Variants in PRP4K observed in about 807,000 individuals in gnomAD.
PRP4K encodes serine/threonine-protein kinase PRP4 homolog.
At chr6:4,054,049 A>G in the PRP4K span, among the ~76,000 whole-genome samples, 3 of 151,984 alleles carry the variant, frequency 2.0e-5, no homozygotes, top group African/African-American at 7.3e-5. Flanking sequence ...AGCTGGGACT[A>G]CCCACAGGCA....
chr6:4,052,730 C>T, the PRP4K span: 1 of 1,584,686 alleles, frequency 6.3e-7, no homozygotes. Context: ...CATGAACTTA[C>T]GAGAGGTGTT....
the PRP4K span, among the ~76,000 whole-genome samples, chr6:4,029,514 A>C: frequency 6.6e-6 from 1 of 151,334 alleles, no homozygotes; most frequent in African/African-American, 2.4e-5. Flanking sequence ...GGTCTCACCT[A>C]GCTAATTTTT....
At chr6:4,047,924 A>G in the PRP4K span, among the ~76,000 whole-genome samples, 3 of 151,056 alleles carry the variant, frequency 2.0e-5, no homozygotes, top group Admixed American at 6.6e-5. Context: ...ACACACACAC[A>G]CACACACACA....
the PRP4K span, among the ~76,000 whole-genome samples, chr6:4,046,818 C>T: frequency 5.9e-5 from 9 of 152,074 alleles, no homozygotes; most frequent in East Asian, 7.7e-4. Context: ...CCACCATGCC[C>T]GACTAATTTT....
the PRP4K span, chr6:4,021,432 G>A: frequency 2.5e-6 from 4 of 1,584,514 alleles, no homozygotes; most frequent in Admixed American, 1.8e-5. Flanking sequence ...CAAGATGGCC[G>A]CCGCGGAGAC....
chr6:4,032,719 G>A, the PRP4K span: 30 of 1,588,800 alleles, frequency 1.9e-5, no homozygotes, highest in South Asian at 7.0e-5. Context: ...GAAAGAAAAC[G>A]ACGAGAACCA....
At chr6:4,044,061 T>G in the PRP4K span, 2 of 1,582,628 alleles carry the variant, frequency 1.3e-6, no homozygotes. Context: ...TTTCTCTGAA[T>G]TGTTAGCTCT....
chr6:4,035,349 G>A, the PRP4K span, among the ~76,000 whole-genome samples: 7 of 128,408 alleles, frequency 5.5e-5, no homozygotes, highest in Non-Finnish European at 9.3e-5. Context: ...GTTTCCCCAC[G>A]TTGGCCAGGC....
chr6:4,049,696 T>C, the PRP4K span: 6 of 1,564,780 alleles, frequency 3.8e-6, no homozygotes, highest in African/African-American at 2.7e-5. Flanking sequence ...CTATTTATTA[T>C]AGTCAGAATT....
At chr6:4,049,596 G>C in the PRP4K span, 1 of 836,154 alleles carries the variant, frequency 1.2e-6, no homozygotes. Flanking sequence ...TGGAGGCATG[G>C]CTTTGATTCT....
At chr6:4,037,255 G>A in the PRP4K span, 20 of 722,060 alleles carry the variant, frequency 2.8e-5, no homozygotes, top group South Asian at 3.4e-4. Flanking sequence ...AGTCACCTGA[G>A]TAAGTTTTGT....
At chr6:4,061,642 T>C in the PRP4K span, 1 of 152,678 alleles carries the variant, frequency 6.5e-6, no homozygotes, top group Non-Finnish European at 1.5e-5. Flanking sequence ...GATCATGTTG[T>C]CTTTCAATAC....
the PRP4K span, among the ~76,000 whole-genome samples, chr6:4,047,404 T>TAA: frequency 4.0e-4 from 61 of 152,234 alleles, 1 homozygote; most frequent in Non-Finnish European, 4.6e-4. Flanking sequence ...TTGCATCTTA[T>TAA]AAGTCTAAAA....
the PRP4K span, among the ~76,000 whole-genome samples, chr6:4,060,112 C>A: frequency 1.3e-5 from 2 of 152,126 alleles, no homozygotes; most frequent in Non-Finnish European, 2.9e-5. The surrounding 1 kb of genome is among the most constrained non-coding windows in gnomAD (Gnocchi z 4.7). Flanking sequence ...AGTAGTATGG[C>A]CTTTTGCTTC....
At chr6:4,034,762 G>C in the PRP4K span, among the ~76,000 whole-genome samples, 7 of 151,746 alleles carry the variant, frequency 4.6e-5, no homozygotes, top group African/African-American at 1.5e-4. Context: ...TGCCAGGCTG[G>C]AGTGCAGTGG....
At chr6:4,023,474 A>G in the PRP4K span, among the ~76,000 whole-genome samples, 1 of 152,172 alleles carries the variant, frequency 6.6e-6, no homozygotes, top group Non-Finnish European at 1.5e-5. Context: ...GCTGCTAACT[A>G]TTGTACTGTC....
the PRP4K span, among the ~76,000 whole-genome samples, chr6:4,054,057 G>C: frequency 6.6e-6 from 1 of 151,950 alleles, no homozygotes; most frequent in African/African-American, 2.4e-5. Context: ...CTACCCACAG[G>C]CACATGCCAC....
chr6:4,032,298 G>T, the PRP4K span: 1 of 1,613,430 alleles, frequency 6.2e-7, no homozygotes, highest in Non-Finnish European at 8.5e-7. Flanking sequence ...TCCTACTGAT[G>T]ATAAGGTTAA....
At chr6:4,044,081 T>A in the PRP4K span, 9 of 1,511,472 alleles carry the variant, frequency 6.0e-6, no homozygotes, top group Non-Finnish European at 8.2e-6. Flanking sequence ...TGTAACTTTA[T>A]AATAAGAGAC....
Sources: allele counts gnomAD v4.1 joint callset (sites outside exome capture counted in the v4.1 genomes callset), GRCh38; gene constraint gnomAD v4.1.1; non-coding constraint Gnocchi (gnomAD v3.1); transcripts MANE v1.5; gene names NCBI Gene and HGNC (gene_info 2026-07-23, HGNC 2026-07-21).